KIAA1328: variants seen among roughly 807,000 people sequenced by gnomAD.
KIAA1328 encodes KIAA1328, also known as protein hinderin.
A neutral mutation model predicts 68.1 loss-of-function variants in KIAA1328; 52 were observed. The observed-to-expected ratio is 0.76, with a 90% confidence interval of 0.61 to 0.96. The LOEUF is 0.96. Among genes scored for constraint, KIAA1328 ranks in the 40% least tolerant of loss-of-function variants. The pLI is 0.00. For missense variants in KIAA1328, 641 were observed against 677.6 expected, an observed-to-expected ratio of 0.95 and a Z score of 0.60; for synonymous variants, 232 against 239.4, an observed-to-expected ratio of 0.97 and a Z score of 0.28.
rs1012735603 is a variant in KIAA1328 at position 36,856,337 on chromosome 18, C to T, written c.332+12035C>T. Among the ~76,000 whole-genome samples the T allele has an allele frequency of 1.4e-4, 22 of 152,118 alleles. No individual in the cohort carries two copies. In the East Asian group the frequency reaches 4.2e-3, roughly 29 times the overall value. ...GCATGTTGATACCCTCGATGTCATT[C>T]CACAGGTCCATTAAACTCTCTTCAC... On this transcript the variant is annotated intron_variant, in intron 4 of 9. Coordinates refer to ENST00000280020, the MANE Select transcript of KIAA1328 (RefSeq NM_020776.3).
intron 6 of KIAA1328, among the ~76,000 whole-genome samples, chr18:37,008,632 GC>G (rs2053866597): frequency 6.6e-6 from 1 of 152,160 alleles, no homozygotes. Context: ...AGCTATTATA[GC>G]AGTTATCGAT....
At chr18:37,011,804 G>A (rs532288565) in intron 6 of KIAA1328, among the ~76,000 whole-genome samples, 1 of 152,266 alleles carries the variant, frequency 6.6e-6, no homozygotes, top group South Asian at 2.1e-4. Context: ...GAAGTTGGAG[G>A]AGAGGTTGAT....
chr18:37,099,588 G>T (rs2151862640), intron 7 of KIAA1328, among the ~76,000 whole-genome samples: 1 of 152,230 alleles, frequency 6.6e-6, no homozygotes, highest in South Asian at 2.1e-4. Context: ...ATGTCTATTA[G>T]GTCTGCTTGG....
rs1197758057 is a variant in KIAA1328 at position 36,844,278 on chromosome 18, C to T, written c.308C>T (p.Ala103Val). 6.2e-7 allele frequency: 1 copy of T among 1,603,312 alleles called. No individual in the cohort carries two copies. Among genetic ancestry groups the T allele is most frequent in the Admixed American group, 1.7e-5 (1 of 59,010 alleles). Reference sequence around the variant, plus strand: ...TGTCTTGAAGACAAAAGACGCATTGCAAACTTAATTAAAGAACTGGCCAGG... The same window carrying T: ...TGTCTTGAAGACAAAAGACGCATTGTAAACTTAATTAAAGAACTGGCCAGG... ...DLCLEDKRRI[A>V]NLIKELARVS... The change falls in exon 4 of 10, where the codon GCA becomes GTA. Residue 103 changes from alanine (A) to valine (V), a missense_variant. Ala to Val is a moderately conservative substitution (Grantham distance 64). Coordinates refer to ENST00000280020, the MANE Select transcript of KIAA1328 (RefSeq NM_020776.3).
At chr18:36,962,564 A>G (rs181826394) in intron 6 of KIAA1328, among the ~76,000 whole-genome samples, 2,015 of 152,278 alleles carry the variant, frequency 0.013, 47 homozygotes, top group Admixed American at 0.063. Context: ...TGACTACGTA[A>G]TTGGAAGTAA....
chr18:37,162,355 C>G (rs2059299635), intron 8 of KIAA1328, among the ~76,000 whole-genome samples: 1 of 150,962 alleles, frequency 6.6e-6, no homozygotes, highest in Non-Finnish European at 1.5e-5. Flanking sequence ...TACTGACTTT[C>G]TTTTCTACTC....
chr18:36,951,509 A>G (rs1358370749), intron 5 of KIAA1328, among the ~76,000 whole-genome samples: 1 of 152,158 alleles, frequency 6.6e-6, no homozygotes, highest in Non-Finnish European at 1.5e-5. Flanking sequence ...TCCCTGGACA[A>G]TTTTACCCAC....
At chr18:37,219,395 C>T (rs1465024876) in intron 9 of KIAA1328, among the ~76,000 whole-genome samples, 1 of 152,192 alleles carries the variant, frequency 6.6e-6, no homozygotes, top group African/African-American at 2.4e-5. Flanking sequence ...TGCAGAAGTT[C>T]CTGCTGCCTT....
intron 4 of KIAA1328, among the ~76,000 whole-genome samples, chr18:36,850,203 TC>T (rs1347588882): frequency 3.3e-5 from 5 of 152,164 alleles, no homozygotes; most frequent in African/African-American, 1.2e-4. Context: ...GGTAGAGAAA[TC>T]TAAATTATCT....
At chr18:37,131,185 C>A (rs1218326610) in intron 7 of KIAA1328, among the ~76,000 whole-genome samples, 3 of 152,186 alleles carry the variant, frequency 2.0e-5, no homozygotes, top group Non-Finnish European at 4.4e-5. Flanking sequence ...GTGAGACTTA[C>A]ATGTTCTGTT....
chr18:37,215,184 AT>A (rs1568543058), intron 9 of KIAA1328, among the ~76,000 whole-genome samples: 3 of 152,130 alleles, frequency 2.0e-5, no homozygotes, highest in African/African-American at 7.2e-5. Flanking sequence ...TTCCAACACT[AT>A]GTTGAATAGG....
intron 7 of KIAA1328, among the ~76,000 whole-genome samples, chr18:37,083,528 G>A (rs2057011310): frequency 6.6e-6 from 1 of 152,206 alleles, no homozygotes; most frequent in Non-Finnish European, 1.5e-5. Context: ...ACTCCCGGTA[G>A]AAAACCTTTT....
chr18:37,029,534 T>G (rs1289094851), intron 6 of KIAA1328, among the ~76,000 whole-genome samples: 1 of 152,010 alleles, frequency 6.6e-6, no homozygotes. Flanking sequence ...CCACCATGAG[T>G]GGCTAATTTT....
chr18:37,192,053 G>A (rs1301809562), intron 9 of KIAA1328, among the ~76,000 whole-genome samples: 2 of 152,068 alleles, frequency 1.3e-5, no homozygotes, highest in South Asian at 2.1e-4. Flanking sequence ...CACTAAGTCC[G>A]AGCAAAACAC....
intron 4 of KIAA1328, among the ~76,000 whole-genome samples, chr18:36,847,373 T>C (rs1246053748): frequency 6.6e-6 from 1 of 151,580 alleles, no homozygotes; most frequent in African/African-American, 2.4e-5. Context: ...ACTAGCAACT[T>C]ATGTGAGTTC....
chr18:37,063,564 C>A, intron 6 of KIAA1328: 1 of 860,922 alleles, frequency 1.2e-6, no homozygotes, highest in Non-Finnish European at 1.4e-6. Context: ...AAGTTGCGTA[C>A]ACTAGGGGGT....
At chr18:36,973,830 T>TATACACACACACAC (rs1556844316) in intron 6 of KIAA1328, among the ~76,000 whole-genome samples, 115 of 147,384 alleles carry the variant, frequency 7.8e-4, no homozygotes, top group Non-Finnish European at 1.3e-3. Flanking sequence ...CACACACACA[T>TATACACACACACAC]ACACACACAC....
intron 6 of KIAA1328, among the ~76,000 whole-genome samples, chr18:37,050,966 C>G (rs1472575558): frequency 2.0e-5 from 3 of 152,034 alleles, no homozygotes; most frequent in Non-Finnish European, 4.4e-5. Context: ...ATAATCAAAC[C>G]CAACCCTCTC....
intron 6 of KIAA1328, among the ~76,000 whole-genome samples, chr18:37,048,257 G>A (rs996474289): frequency 6.6e-6 from 1 of 152,208 alleles, no homozygotes; most frequent in African/African-American, 2.4e-5. Flanking sequence ...AACTGAAAAA[G>A]GATTTAGGGG....
Sources: gnomAD v4.1 joint callset for allele counts (sites outside exome capture counted in the v4.1 genomes callset) on GRCh38, gnomAD v4.1.1 for gene constraint, MANE v1.5 for transcripts, NCBI Gene and HGNC (gene_info 2026-07-23, HGNC 2026-07-21) for gene names.